The following PCDHGB3 variants were observed in gnomAD, a reference collection of about 807,000 sequenced individuals.
The protein encoded by PCDHGB3 is protocadherin gamma-B3.
A neutral mutation model predicts 59.2 loss-of-function variants in PCDHGB3; 40 were observed. The observed-to-expected ratio is 0.68, with a 90% CI of 0.52 to 0.88. The LOEUF (loss-of-function observed/expected upper bound fraction) is 0.88. PCDHGB3 is among the 40% of genes least tolerant of loss of function. PCDHGB3 has a pLI of 0.00. For synonymous variants in PCDHGB3, 581 were observed against 503.6 expected, an observed-to-expected ratio of 1.15 and a Z score of -2.06; for missense variants, 1,309 against 1,187.9, an observed-to-expected ratio of 1.10 and a Z score of -1.50.
Position 141,490,845 on chromosome 5 carries a change from G to T in PCDHGB3, c.2416-3962G>T, listed in dbSNP as rs748605746. The T allele has an allele frequency of 1.4e-5, 22 of 1,613,726 alleles. No individual in the cohort carries two copies. The highest frequency in any genetic ancestry group is 1.7e-5 in the Non-Finnish European group (20 of 1,179,894). On this transcript the variant is annotated intron_variant, in intron 1 of 3. Coordinates refer to ENST00000576222, the MANE Select transcript of PCDHGB3 (RefSeq NM_018924.5). This position sits in a 1 kb window ranked among gnomAD's most constrained non-coding sequence, Gnocchi z 5.4. ...TGCAGATGCTGCAGATTGTGGTGGG[G>T]GTTCGAGACTCCGGCTCTCCCCCAT...
intron 1 of PCDHGB3, chr5:141,428,189 CTCTCTGCGCCGCTACGCTTCACCTAG>C: frequency 7.0e-7 from 1 of 1,429,262 alleles, no homozygotes; most frequent in Non-Finnish European, 9.7e-7. Flanking sequence ...ACAGCCGCCG[CTCTCTGCGCCGCTACGCTTCACCTAG>C]TCTTCGCAGA....
intron 1 of PCDHGB3, chr5:141,423,007 G>C (rs772337723): frequency 1.9e-6 from 3 of 1,614,242 alleles, no homozygotes; most frequent in Non-Finnish European, 2.5e-6. Flanking sequence ...CAAGGTGGTT[G>C]CGGTGGACAA....
intron 1 of PCDHGB3, chr5:141,478,354 C>T (rs141625672): frequency 1.2e-6 from 2 of 1,613,778 alleles, no homozygotes; most frequent in Non-Finnish European, 8.5e-7. Context: ...ACGCGGACGC[C>T]GTGCGGGGAG....
Position 141,395,191 on chromosome 5 carries a change from C to T in PCDHGB3, c.2415+22382C>T, listed in dbSNP as rs781685191. ...TGTGAGAAAAATGATTCTTTGTTAA[C>T]ATCCGTAGATTTTCATGAATATAAG... is the stretch of plus-strand genomic sequence containing the variant. On this transcript the variant is annotated intron_variant, in intron 1 of 3. Transcript: ENST00000576222. 8 of 1,614,074 alleles carry T rather than the reference C, an allele frequency of 5.0e-6. 1 individual carries two copies. The South Asian group carries it at 7.7e-5, about 16-fold the overall frequency.
chr5:141,487,818 G>T lies in PCDHGB3; in HGVS notation c.2416-6989G>T, dbSNP rs1009237001. The T allele has an allele frequency of 1.2e-5, 16 of 1,331,602 alleles. No homozygotes were observed. Among genetic ancestry groups the T allele is most frequent in the Non-Finnish European group, 1.4e-5 (14 of 970,528 alleles). The allele number at this position is 1,331,602 out of a possible 1,614,324, so 82.5% of individuals were successfully genotyped here. On this transcript the variant is annotated intron_variant, in intron 1 of 3. Transcript: ENST00000576222. This position sits in a 1 kb window ranked among gnomAD's most constrained non-coding sequence, Gnocchi z 5.0. Reference sequence around the variant, plus strand: ...GAGTTGTCACAGTTTAGCATTGGGGGCGGGTCATGCCTATATCTGAGTAAG... The same window carrying T: ...GAGTTGTCACAGTTTAGCATTGGGGTCGGGTCATGCCTATATCTGAGTAAG...
chr5:141,374,388 G>A (rs779801370), intron 1 of PCDHGB3: 1 of 1,614,044 alleles, frequency 6.2e-7, no homozygotes, highest in South Asian at 1.1e-5. Context: ...AGCCCGCGGT[G>A]TCTGGTGAGT....
Position 141,476,201 on chromosome 5 carries a change from G to C in PCDHGB3, c.2416-18606G>C. ...GCTTCTGCTTGGTGCCTTGAACAAG[G>C]CTTCCACGGTCATTCACTATGAGAT... is the stretch of plus-strand genomic sequence containing the variant. On this transcript the variant is annotated intron_variant, in intron 1 of 3. Coordinates refer to ENST00000576222, the MANE Select transcript of PCDHGB3 (RefSeq NM_018924.5). This position sits in a 1 kb window ranked among gnomAD's most constrained non-coding sequence, Gnocchi z 7.6. 6.2e-7 allele frequency: 1 copy of C among 1,613,986 alleles called. No individual in the cohort carries two copies. The highest frequency in any genetic ancestry group is 8.5e-7 in the Non-Finnish European group (1 of 1,180,028).
In PCDHGB3 at chr5:141,370,872, C is replaced by A. The variant is rs201155008; in HGVS notation, c.478C>A (p.Pro160Thr). The change falls in exon 1 of 4, where the codon CCT (proline) becomes ACT (threonine). Residue 160 changes from proline to threonine, a missense_variant. By Grantham distance (38) the Pro-to-Thr change is conservative. Transcript: ENST00000576222. ...ATFALESAQD[P>T]DVGVNSLQQY... Reference sequence around the variant, plus strand: ...ATTTGCCCTGGAATCTGCGCAAGATCCTGATGTAGGTGTCAATTCGCTGCA... The same window carrying A: ...ATTTGCCCTGGAATCTGCGCAAGATACTGATGTAGGTGTCAATTCGCTGCA... 1 of 1,614,014 alleles carries A rather than the reference C, an allele frequency of 6.2e-7. No homozygotes were observed. The highest frequency in any genetic ancestry group is 1.7e-5 in the Admixed American group (1 of 60,026).
chr5:141,377,812 C>T (rs535022477), intron 1 of PCDHGB3: 1 of 152,244 alleles, frequency 6.6e-6, no homozygotes, highest in Admixed American at 6.5e-5. Flanking sequence ...CTGTTATTTA[C>T]TTGGGCCAGT....
chr5:141,409,282 A>G (rs769745022), intron 1 of PCDHGB3: 1 of 1,613,958 alleles, frequency 6.2e-7, no homozygotes, highest in East Asian at 2.2e-5. Context: ...TGGAGAATTC[A>G]CCTCCAGGAA....
chr5:141,387,830 TTA>T (rs2091113162), intron 1 of PCDHGB3: 1 of 1,590,004 alleles, frequency 6.3e-7, no homozygotes, highest in African/African-American at 1.3e-5. Context: ...AATACAGAGG[TTA>T]TTTGTAACCC....
chr5:141,376,676 G>GC (rs1773026765), intron 1 of PCDHGB3: 1 of 275,812 alleles, frequency 3.6e-6, no homozygotes, highest in Non-Finnish European at 6.2e-6. Context: ...TGAGGGTATC[G>GC]TTTTTTTTTT....
At chr5:141,506,563 C>T (rs925780739) in intron 3 of PCDHGB3, among the ~76,000 whole-genome samples, 2 of 152,062 alleles carry the variant, frequency 1.3e-5, no homozygotes, top group Non-Finnish European at 2.9e-5. Context: ...TAAACCCCCT[C>T]GGTTTCACTT....
Position 141,496,980 on chromosome 5 carries a change from G to A in PCDHGB3, c.2474+2115G>A, listed in dbSNP as rs186715298. On this transcript the variant is annotated intron_variant, in intron 2 of 3. Coordinates refer to ENST00000576222, the MANE Select transcript of PCDHGB3 (RefSeq NM_018924.5). ...GTGGGTAGATCACTTGAGGTCAGGG[G>A]TTTGAGACCAGCCTGGCAGCCAACA... Among the ~76,000 whole-genome samples the A allele has an allele frequency of 1.6e-3, 236 of 152,074 alleles. 2 individuals are homozygous for A. Among genetic ancestry groups the A allele is most frequent in the South Asian group, 7.5e-3 (36 of 4,814 alleles).
chr5:141,415,206 G>A, intron 1 of PCDHGB3: 4 of 1,614,054 alleles, frequency 2.5e-6, no homozygotes, highest in African/African-American at 1.3e-5. Flanking sequence ...AAGTCCTGGC[G>A]GACCTCGGCA....
chr5:141,419,831 G>A, intron 1 of PCDHGB3: 5 of 1,614,048 alleles, frequency 3.1e-6, no homozygotes, highest in Non-Finnish European at 4.2e-6. Context: ...TTCAGCCACT[G>A]CCACGCTGCA....
chr5:141,478,870 GT>G, intron 1 of PCDHGB3: 1 of 1,273,360 alleles, frequency 7.9e-7, no homozygotes, highest in Non-Finnish European at 1.0e-6. Context: ...AGCGATCAGA[GT>G]TTAGCTTGGT....
rs1299573831 is a variant in PCDHGB3 at position 141,500,662 on chromosome 5, T to A, written c.2475-4731T>A. 5.3e-5 allele frequency among the ~76,000 whole-genome samples: 8 copies of A among 152,352 alleles called. No homozygotes were observed. The East Asian group carries it at 1.5e-3, about 29-fold the overall frequency. ...TTTTTAAAAATAGCAACTGAGGCCA[T>A]ACTGTCCAACAGAATTATAGCTTTT... On this transcript the variant is annotated intron_variant, in intron 2 of 3. Coordinates refer to ENST00000576222, the MANE Select transcript of PCDHGB3 (RefSeq NM_018924.5).
chr5:141,404,586 A>G, intron 1 of PCDHGB3: 1 of 1,614,008 alleles, frequency 6.2e-7, no homozygotes, highest in Non-Finnish European at 8.5e-7. Context: ...CTTAGCAGCA[A>G]TGTGTCATTG....
Sources: allele counts gnomAD v4.1 joint callset (sites outside exome capture counted in the v4.1 genomes callset), GRCh38; gene constraint gnomAD v4.1.1; non-coding constraint Gnocchi (gnomAD v3.1); transcripts MANE v1.5; gene names NCBI Gene and HGNC (gene_info 2026-07-23, HGNC 2026-07-21).